Variants in ARAP1 observed in about 807,000 individuals in gnomAD.
ARAP1 encodes the protein arf-GAP with Rho-GAP domain, ANK repeat and PH domain-containing protein 1.
A neutral mutation model predicts 172.2 loss-of-function variants in ARAP1; 76 were observed. That is an observed-to-expected ratio of 0.44 (90% CI 0.37 to 0.53). The LOEUF is 0.53. Ranked by LOEUF, ARAP1 falls within the 20% of genes least tolerant of loss-of-function variation. ARAP1 has a pLI of 0.00. For synonymous variants in ARAP1, 804 were observed against 803.3 expected (o/e 1.00, Z -0.01); for missense variants, 1,686 against 1,977.5 (o/e 0.85, Z 2.80).
At chr11:72,688,896 G>C (rs368518812) in intron 30 of ARAP1, 59 of 230,076 alleles carry the variant, frequency 2.6e-4, no homozygotes, top group African/African-American at 1.2e-3. Context: ...TATGTGGAGG[G>C]AGAACTGTAC....
At chr11:72,703,757 G>A (rs1856623228) in intron 14 of ARAP1, 2 of 199,396 alleles carry the variant, frequency 1.0e-5, no homozygotes, top group African/African-American at 4.7e-5. Flanking sequence ...CCCATGCGGG[G>A]CCTCATCTTG....
chr11:72,687,209 C>T, intron 33 of ARAP1: 1 of 590,630 alleles, frequency 1.7e-6, no homozygotes, highest in South Asian at 2.0e-5. Flanking sequence ...TGAGGGGTGC[C>T]CCAAGGGCAG....
chr11:72,743,081 ACT>A (rs1214411926), intron 1 of ARAP1, among the ~76,000 whole-genome samples: 4 of 152,012 alleles, frequency 2.6e-5, no homozygotes, highest in African/African-American at 9.7e-5. Flanking sequence ...CTATCTCCTT[ACT>A]CTGTTTCCTT....
chr11:72,704,345 G>A lies in ARAP1; in HGVS notation c.1810-11C>T, dbSNP rs759382250. 2 of 1,550,352 alleles carry A rather than the reference G, an allele frequency of 1.3e-6. No individual in the cohort carries two copies. Among genetic ancestry groups the A allele is most frequent in the Non-Finnish European group, 1.7e-6 (2 of 1,149,392 alleles). On this transcript the variant is annotated splice_polypyrimidine_tract_variant and intron_variant, in intron 13 of 34. Coordinates refer to ENST00000393609, the MANE Select transcript of ARAP1 (RefSeq NM_001040118.3). ...CAGCTGTAAGAAGAGCTGTGGGGGT[G>A]TGCAGGAGGTCAGACGGGCCAGCTG...
At chr11:72,706,658 C>T (rs1275903534) in intron 12 of ARAP1, among the ~76,000 whole-genome samples, 1 of 152,206 alleles carries the variant, frequency 6.6e-6, no homozygotes, top group Non-Finnish European at 1.5e-5. Flanking sequence ...CCTCCTCCCT[C>T]TCCTGGATCC....
chr11:72,701,787 T>C lies in ARAP1; in HGVS notation c.2168-4A>G, dbSNP rs780477375. ...ATCGAGTCCAGCCGAGGCACCTCTT[T>C]GTAGGCGGGGAAAGGATGGCAGGTC... On this transcript the variant is annotated splice_region_variant and splice_polypyrimidine_tract_variant and intron_variant, in intron 15 of 34. Transcript: ENST00000393609. 1 of 1,612,984 alleles carries C rather than the reference T, an allele frequency of 6.2e-7. No individual in the cohort carries two copies. The highest frequency in any genetic ancestry group is 8.5e-7 in the Non-Finnish European group (1 of 1,179,312).
chr11:72,716,873 G>T (rs2135553867), intron 3 of ARAP1, among the ~76,000 whole-genome samples: 1 of 152,314 alleles, frequency 6.6e-6, no homozygotes, highest in East Asian at 1.9e-4. Context: ...GCCTCTCTGG[G>T]AATCTGGGGC....
In ARAP1 at chr11:72,701,726, G is replaced by A. The variant is rs1278442255; in HGVS notation, c.2225C>T (p.Pro742Leu). The change falls in exon 16 of 35, where the codon CCG (proline) becomes CTG (leucine). Residue 742 changes from proline to leucine, a missense_variant. Physicochemically the swap from Pro to Leu is moderately conservative, Grantham distance 98. This residue lies in a region of ARAP1 where 688 missense variants were observed against 856.9 expected (regional missense o/e 0.80). Coordinates refer to ENST00000393609, the MANE Select transcript of ARAP1 (RefSeq NM_001040118.3). ...GAGGAAGCCACTGTGGCTCACGGTC[G>A]GCAGGACAACTGAGTAGTGCTTTTC... ...PLEKHYSVVL[P>L]TVSHSGFLYK... 13 of 1,613,860 alleles carry A rather than the reference G, an allele frequency of 8.1e-6. No individual in the cohort carries two copies. The highest frequency in any genetic ancestry group is 4.5e-5 in the East Asian group (2 of 44,886).
At position 72,726,571 on chromosome 11, in the gene ARAP1, C is replaced by T. The variant is rs1857697694; in HGVS notation, c.509+49G>A. The stretch of plus-strand genomic sequence containing the variant: ...AGGCCACAAACTCCCCATCTACCCT[C>T]TGGGATCCTCTGCCTGTGCGCCTCC... On this transcript the variant is annotated intron_variant, in intron 3 of 34. Transcript: ENST00000393609. This position sits in a 1 kb window ranked among gnomAD's most constrained non-coding sequence, Gnocchi z 6.5. 6.9e-7 allele frequency: 1 copy of T among 1,454,714 alleles called. No homozygotes were observed. The highest frequency in any genetic ancestry group is 1.4e-5 in the African/African-American group (1 of 70,738). 90.1% of individuals were successfully genotyped at this position (1,454,714 alleles called of 1,614,324 possible).
At chr11:72,716,789 G>A (rs890019121) in intron 3 of ARAP1, among the ~76,000 whole-genome samples, 35 of 152,278 alleles carry the variant, frequency 2.3e-4, no homozygotes, top group Middle Eastern at 6.8e-3. Flanking sequence ...GCTGTGGCTC[G>A]GATCGCTTCA....
In ARAP1 at chr11:72,726,731, G is replaced by C. The variant is rs1857703441; in HGVS notation, c.398C>G (p.Ser133Cys). Residue 133 changes from serine (S) to cysteine (C), a missense_variant, in exon 3 of 35, where the codon TCC becomes TGC. Coordinates refer to ENST00000393609, the MANE Select transcript of ARAP1 (RefSeq NM_001040118.3). The surrounding 1 kb of genome is among the most constrained non-coding windows in gnomAD (Gnocchi z 6.5). Reference protein sequence around the residue: ...CLPPTCFTTPSTAAPDPVLPP... With the variant: ...CLPPTCFTTPCTAAPDPVLPP... ...CAGCACAGGGTCTGGGGCAGCTGTG[G>C]ATGGGGTGGTGAAGCAGGTGGGCGG... The C allele has an allele frequency of 1.3e-6, 2 of 1,533,910 alleles. No individual in the cohort carries two copies. Among genetic ancestry groups the C allele is most frequent in the African/African-American group, 2.8e-5 (2 of 72,152 alleles).
intron 1 of ARAP1, among the ~76,000 whole-genome samples, chr11:72,748,715 GC>G (rs1462808525): frequency 6.6e-6 from 1 of 152,092 alleles, no homozygotes; most frequent in African/African-American, 2.4e-5. Flanking sequence ...TCCATGCATT[GC>G]CCCCCACCAT....
In ARAP1 at chr11:72,699,169, G is replaced by C. The variant is rs538195600; in HGVS notation, c.2439-62C>G. 2 of 1,559,096 alleles carry C rather than the reference G, an allele frequency of 1.3e-6. No homozygotes were observed. Among genetic ancestry groups the C allele is most frequent in the Non-Finnish European group, 1.8e-6 (2 of 1,133,606 alleles). ...TCCAGCACGGGCCCACCCCCAACCCGCACCATCAACCGCCATCCTCTGCCC... is the reference window on the plus strand; with the variant it reads ...TCCAGCACGGGCCCACCCCCAACCCCCACCATCAACCGCCATCCTCTGCCC... On this transcript the variant is annotated intron_variant, in intron 17 of 34. Transcript: ENST00000393609. The surrounding 1 kb of genome is among the most constrained non-coding windows in gnomAD (Gnocchi z 4.2).
chr11:72,693,276 C>T lies in ARAP1; in HGVS notation c.3954+49G>A, dbSNP rs1388625410. 1.9e-6 allele frequency: 3 copies of T among 1,594,238 alleles called. No homozygotes were observed. On this transcript the variant is annotated intron_variant, in intron 29 of 34. Transcript: ENST00000393609. The surrounding 1 kb of genome is among the most constrained non-coding windows in gnomAD (Gnocchi z 4.6). Reference sequence around the variant, plus strand: ...ACCAAGGGGAATCTCTGAGCACATTCAGGTGTACAGGTGCCCACCCTGGGG... The same window carrying T: ...ACCAAGGGGAATCTCTGAGCACATTTAGGTGTACAGGTGCCCACCCTGGGG...
In ARAP1 at chr11:72,714,272, G is replaced by A; in HGVS notation, c.559C>T (p.Pro187Ser). ...AGGGGCTCCTCAGACTGTGGCTGGG[G>A]AGGGGATGATAATGATGGCAGCAAT... ...ESLLPSLSSPPQPQSEEPLST... is the reference protein window; with the variant it reads ...ESLLPSLSSPSQPQSEEPLST... Residue 187 changes from proline (P) to serine (S), a missense_variant, in exon 4 of 35, where the codon CCC becomes TCC. Pro to Ser is a moderately conservative substitution (Grantham distance 74). This residue lies in a region of ARAP1 where 155 missense variants were observed against 129.2 expected (regional missense o/e 1.20). Coordinates refer to ENST00000393609, the MANE Select transcript of ARAP1 (RefSeq NM_001040118.3). 1 of 1,543,514 alleles carries A rather than the reference G, an allele frequency of 6.5e-7. No individual in the cohort carries two copies. The highest frequency in any genetic ancestry group is 2.0e-5 in the Admixed American group (1 of 49,014).
At chr11:72,743,581 G>C (rs966756925) in intron 1 of ARAP1, among the ~76,000 whole-genome samples, 3 of 152,206 alleles carry the variant, frequency 2.0e-5, no homozygotes, top group Non-Finnish European at 2.9e-5. Flanking sequence ...GAGTGAGGGA[G>C]AGTTGGAGGA....
In ARAP1 at chr11:72,710,989, T is replaced by TACAC; in HGVS notation, c.1213+28_1213+31dup. On this transcript the variant is annotated intron_variant, in intron 9 of 34. Transcript: ENST00000393609. This position sits in a 1 kb window ranked among gnomAD's most constrained non-coding sequence, Gnocchi z 4.3. ...ACTTCCAGTCTTCTCTACCCTCTTC[T>TACAC]ACACACACACACAACACCCCACACT... The TACAC allele has an allele frequency of 6.2e-7, 1 of 1,610,210 alleles. No individual in the cohort carries two copies. The highest frequency in any genetic ancestry group is 8.5e-7 in the Non-Finnish European group (1 of 1,177,758).
intron 33 of ARAP1, 74 bp from the exon 34 acceptor site, chr11:72,686,265 T>A: frequency 6.5e-7 from 1 of 1,527,672 alleles, no homozygotes; most frequent in Non-Finnish European, 8.8e-7. Context: ...CTGCCCACCC[T>A]TCCCAGAAAT....
intron 1 of ARAP1, among the ~76,000 whole-genome samples, chr11:72,734,973 A>G (rs1299009492): frequency 6.6e-6 from 1 of 151,968 alleles, no homozygotes; most frequent in Non-Finnish European, 1.5e-5. Context: ...TTCATACTGG[A>G]GACTGTAGCT....
Sources: allele counts gnomAD v4.1 joint callset (sites outside exome capture counted in the v4.1 genomes callset), GRCh38; gene constraint gnomAD v4.1.1; regional missense constraint gnomAD v4.1.1; non-coding constraint Gnocchi (gnomAD v3.1); transcripts MANE v1.5; gene names NCBI Gene and HGNC (gene_info 2026-07-23, HGNC 2026-07-21).